The following TTC3 variants were observed in gnomAD, a reference collection of about 807,000 sequenced individuals.
TTC3 encodes the protein E3 ubiquitin-protein ligase TTC3.
TTC3 carries 180 observed loss-of-function variants against 249.6 expected under a neutral mutation model. The observed-to-expected ratio is 0.72, with a 90% CI of 0.64 to 0.82. TTC3 has a LOEUF of 0.82. Among genes scored for constraint, TTC3 ranks in the 40% least tolerant of loss-of-function variants. The probability of loss-of-function intolerance (pLI) is 0.00; values close to 1 mark genes in which losing one functional copy is unlikely to be tolerated. For synonymous variants in TTC3, 717 were observed against 805.0 expected (o/e 0.89, Z 1.85); for missense variants, 2,061 against 2,398.4 (o/e 0.86, Z 2.94).
intron 1 of TTC3, chr21:37,083,178 T>G: frequency 1.0e-6 from 1 of 985,412 alleles, no homozygotes; most frequent in Non-Finnish European, 1.2e-6. Flanking sequence ...TATTAAGAAC[T>G]AATAGACATT....
rs1433069733 is a variant in TTC3, at chr21:37,197,705, T to G, written c.5706+9T>G. 2.4e-5 allele frequency: 39 copies of G among 1,597,100 alleles called. No homozygotes were observed. Among genetic ancestry groups the G allele is most frequent in the Non-Finnish European group, 3.3e-5 (39 of 1,173,620 alleles). ...AACAGAAAAAGAAAAAGGTATTTTATCTAGATGTTCCAGTTTATCCTTATT... is the reference window on the plus strand; with the variant it reads ...AACAGAAAAAGAAAAAGGTATTTTAGCTAGATGTTCCAGTTTATCCTTATT... On this transcript the variant is annotated intron_variant, in intron 43 of 45. Transcript: ENST00000355666.
At chr21:37,192,152 C>G (rs746595632) in exon 41 of TTC3, 8 of 1,611,200 alleles carry the variant, frequency 5.0e-6, no homozygotes, top group Non-Finnish European at 6.8e-6. Context: ...AAAAATGGTT[C>G]TCGGCTCAGT....
At chr21:37,087,367 A>G in exon 2 of TTC3, 2 of 1,613,922 alleles carry the variant, frequency 1.2e-6, no homozygotes, top group Non-Finnish European at 8.5e-7. Context: ...AGCAATGATT[A>G]TGTTCGTGTG....
intron 10 of TTC3, among the ~76,000 whole-genome samples, chr21:37,105,237 A>G (rs182450145): frequency 5.9e-5 from 9 of 152,282 alleles, no homozygotes; most frequent in African/African-American, 2.4e-5. Flanking sequence ...ATGCAAGGAA[A>G]TGGAGACAGC....
chr21:37,090,403 A>G, intron 6 of TTC3, 117 bp downstream of exon 6: 3 of 1,042,828 alleles, frequency 2.9e-6, no homozygotes, highest in Non-Finnish European at 4.1e-6. Flanking sequence ...GGTATTTGGT[A>G]GTATTGACTT....
Position 37,095,387 on chromosome 21 carries a change from T to A in TTC3, c.725T>A (p.Phe242Tyr), listed in dbSNP as rs370319563. 15 of 1,608,592 alleles carry A rather than the reference T, an allele frequency of 9.3e-6. No homozygotes were observed. ...ATGAAAATGAAAGGAAATGAAGAGT[T>A]TTCCAAAGAAAGATTTGATATAGCT... is the stretch of plus-strand genomic sequence containing the variant. Residue 242 changes from phenylalanine (F) to tyrosine (Y), a missense_variant, in exon 9 of 46, where the codon TTT (phenylalanine) becomes TAT (tyrosine). Physicochemically the swap from Phe to Tyr is conservative, Grantham distance 22 (BLOSUM62 3). Around this residue, in one of 3 missense-constraint regions of TTC3, gnomAD observed 989 missense variants for 1,145.1 expected, o/e 0.86. Coordinates refer to ENST00000355666, the Ensembl canonical transcript of TTC3.
intron 42 of TTC3, 118 bp downstream of exon 42, chr21:37,196,154 C>T (rs1244589841): frequency 1.5e-6 from 2 of 1,326,424 alleles, no homozygotes; most frequent in Admixed American, 2.6e-5. Context: ...AATTGTTTTG[C>T]TCAGAAAGAC....
chr21:37,191,486 G>C, intron 40 of TTC3, 62 bp downstream of exon 40: 1 of 1,062,214 alleles, frequency 9.4e-7, no homozygotes, highest in Non-Finnish European at 1.3e-6. Flanking sequence ...TTCTCGGGAG[G>C]CTGGTGTCAT....
At chr21:37,167,211 A>G (rs1469241057) in intron 33 of TTC3, among the ~76,000 whole-genome samples, 4 of 152,220 alleles carry the variant, frequency 2.6e-5, no homozygotes, top group Non-Finnish European at 5.9e-5. Flanking sequence ...AGGGATGTGT[A>G]TGAGTTCTTT....
intron 31 of TTC3, among the ~76,000 whole-genome samples, chr21:37,163,380 C>T (rs1284337465): frequency 1.3e-5 from 2 of 152,174 alleles, no homozygotes; most frequent in African/African-American, 2.4e-5. Context: ...GATGGAGTTT[C>T]GCTCTTGTTG....
At position 37,164,190 on chromosome 21, in the gene TTC3, A is replaced by T; in HGVS notation, c.3310A>T (p.Lys1104Ter). 1 of 1,610,150 alleles carries T rather than the reference A, an allele frequency of 6.2e-7. No homozygotes were observed. Among genetic ancestry groups the T allele is most frequent in the South Asian group, 1.1e-5 (1 of 90,046 alleles). ...TAAGAAGCTATGGGACATGAACCCA[A>T]AACAAAAATGTTCAACTCTATATGA... is the stretch of plus-strand genomic sequence containing the variant. The change falls in exon 32 of 46, where the codon AAA becomes TAA. Residue 1104 changes from lysine (K) to a stop codon, truncating the protein, a stop_gained. Transcript: ENST00000355666. LOFTEE classifies it high-confidence loss of function.
chr21:37,094,513 T>G (rs2073699695), intron 8 of TTC3, among the ~76,000 whole-genome samples: 1 of 152,208 alleles, frequency 6.6e-6, no homozygotes, highest in Non-Finnish European at 1.5e-5. Context: ...AAAGTTTTAG[T>G]TTTTTCTCTA....
chr21:37,145,868 A>C (rs530393120), intron 21 of TTC3, among the ~76,000 whole-genome samples: 20 of 152,176 alleles, frequency 1.3e-4, no homozygotes, highest in Admixed American at 8.5e-4. Flanking sequence ...CCAGGGAGGG[A>C]ATTAATCTGT....
chr21:37,123,907 C>A (rs1477760756), intron 13 of TTC3, among the ~76,000 whole-genome samples: 3 of 151,544 alleles, frequency 2.0e-5, no homozygotes, highest in Admixed American at 6.6e-5. Context: ...TGCCACCACG[C>A]CCTGCTAATT....
chr21:37,114,696 G>A (rs1200637894), intron 11 of TTC3, among the ~76,000 whole-genome samples: 1 of 152,080 alleles, frequency 6.6e-6, no homozygotes, highest in Admixed American at 6.6e-5. Flanking sequence ...ATACCCAAAG[G>A]ATTATAAATC....
chr21:37,121,800 T>A lies in TTC3; in HGVS notation c.901-17T>A. On this transcript the variant is annotated splice_polypyrimidine_tract_variant and intron_variant, in intron 11 of 45. Coordinates refer to ENST00000355666, the Ensembl canonical transcript of TTC3. ...GCATATTTTTGAGAAAAAATTAAATTTATCTTTTTGGAACAGGGTCATTAT... is the reference window on the plus strand; with the variant it reads ...GCATATTTTTGAGAAAAAATTAAATATATCTTTTTGGAACAGGGTCATTAT... The A allele has an allele frequency of 6.5e-7, 1 of 1,533,314 alleles. No individual in the cohort carries two copies. Among genetic ancestry groups the A allele is most frequent in the Non-Finnish European group, 8.7e-7 (1 of 1,145,154 alleles). 95.0% of individuals were successfully genotyped at this position (1,533,314 alleles called of 1,614,324 possible). A position where few individuals can be genotyped will look rare whatever the true frequency, so the allele number is the denominator to read the frequency against.
At chr21:37,116,864 A>G (rs76930512) in intron 11 of TTC3, among the ~76,000 whole-genome samples, 1 of 152,252 alleles carries the variant, frequency 6.6e-6, no homozygotes, top group East Asian at 1.9e-4. Flanking sequence ...TAAATAAGAT[A>G]TAGAAAGGCA....
At chr21:37,132,686 A>T (rs756842000) in exon 17 of TTC3, 1 of 1,594,240 alleles carries the variant, frequency 6.3e-7, no homozygotes, top group East Asian at 2.3e-5. Flanking sequence ...TTTTAGTTCT[A>T]GTTCACCATT....
At chr21:37,179,626 C>G (rs1284951077) in intron 35 of TTC3, among the ~76,000 whole-genome samples, 1 of 152,068 alleles carries the variant, frequency 6.6e-6, no homozygotes, top group Non-Finnish European at 1.5e-5. Context: ...ATCTTTTATG[C>G]ATATTTTCTC....
Sources: allele counts gnomAD v4.1 joint callset (sites outside exome capture counted in the v4.1 genomes callset), GRCh38; gene constraint gnomAD v4.1.1; regional missense constraint gnomAD v4.1.1; transcripts MANE v1.5; gene names NCBI Gene and HGNC (gene_info 2026-07-23, HGNC 2026-07-21).